Variants in GNAZ observed in about 807,000 individuals in gnomAD.
The protein encoded by GNAZ is G protein subunit alpha z, also known as guanine nucleotide-binding protein G(z) subunit alpha.
In GNAZ, 3 loss-of-function variants were observed where a neutral mutation model predicts 25.4. The observed-to-expected ratio is 0.12, with a 90% confidence interval of 0.05 to 0.30. The LOEUF is 0.30. Among genes scored for constraint, GNAZ ranks in the 10% least tolerant of loss-of-function variants. The pLI is 1.00. For synonymous variants in GNAZ, 211 were observed against 205.7 expected (o/e 1.03, Z -0.22); for missense variants, 241 against 501.8 (o/e 0.48, Z 4.97).
intron 2 of GNAZ, among the ~76,000 whole-genome samples, chr22:23,098,667 G>C (rs184835388): frequency 1.3e-5 from 2 of 152,274 alleles, no homozygotes; most frequent in African/African-American, 4.8e-5. Context: ...AAACCCAAGC[G>C]AGGCTGGAAA....
chr22:23,102,319 G>C (rs2069326624), intron 2 of GNAZ, among the ~76,000 whole-genome samples: 1 of 152,246 alleles, frequency 6.6e-6, no homozygotes, highest in Admixed American at 6.5e-5. Flanking sequence ...TGAGCAGGGA[G>C]GGGTGGAGAA....
At chr22:23,112,560 G>T (rs146442538) in intron 2 of GNAZ, among the ~76,000 whole-genome samples, 1 of 152,328 alleles carries the variant, frequency 6.6e-6, no homozygotes, top group Non-Finnish European at 1.5e-5. Flanking sequence ...GCAGGAGGCT[G>T]GGCTGAGCTC....
Position 23,095,478 on chromosome 22 carries a change from G to T in GNAZ, c.-218G>T. ...ACTAGGGAGGTGGAGTGTCACTAGT[G>T]GGGAGGGGCGGCCACCGCCCGCTGC... On this transcript the variant is annotated 5_prime_UTR_variant, in exon 2 of 3. Transcript: ENST00000615612. 1.2e-5 allele frequency: 7 copies of T among 572,042 alleles called. No individual in the cohort carries two copies. Among genetic ancestry groups the T allele is most frequent in the Admixed American group, 3.2e-5 (1 of 31,010 alleles). 35.4% of individuals were successfully genotyped at this position (572,042 alleles called of 1,614,324 possible).
chr22:23,094,572 G>A (rs2069071480), intron 1 of GNAZ, among the ~76,000 whole-genome samples: 1 of 152,182 alleles, frequency 6.6e-6, no homozygotes, highest in South Asian at 2.1e-4. Context: ...CTCAGCCCAA[G>A]CCCCCCTCTA....
rs1389856602 is a variant in GNAZ, at chr22:23,112,992, C to T, written c.724-10095C>T. Among the ~76,000 whole-genome samples the T allele has an allele frequency of 2.0e-5, 3 of 152,180 alleles. No individual in the cohort carries two copies. The East Asian group carries it at 5.8e-4, about 29-fold the overall frequency. On this transcript the variant is annotated intron_variant, in intron 2 of 2. Transcript: ENST00000615612. Reference sequence around the variant, plus strand: ...AGGAACATCCAGCTTTCAGGTCTGACGTGGCCCATTTTACCAGAAGAAGGG... The same window carrying T: ...AGGAACATCCAGCTTTCAGGTCTGATGTGGCCCATTTTACCAGAAGAAGGG...
chr22:23,098,120 C>T (rs558237086), intron 2 of GNAZ, among the ~76,000 whole-genome samples: 11 of 152,374 alleles, frequency 7.2e-5, no homozygotes, highest in Middle Eastern at 3.4e-3. Context: ...GCCTGCAGCC[C>T]TCTTGGCTCT....
At chr22:23,096,440 C>A in intron 2 of GNAZ, 22 bp downstream of exon 2, 2 of 1,580,386 alleles carry the variant, frequency 1.3e-6, no homozygotes, top group Non-Finnish European at 1.7e-6. Flanking sequence ...CGGGGGTTTT[C>A]CTCTGCTTGT....
At chr22:23,113,662 G>A (rs942253121) in intron 2 of GNAZ, among the ~76,000 whole-genome samples, 1 of 152,182 alleles carries the variant, frequency 6.6e-6, no homozygotes, top group African/African-American at 2.4e-5. Context: ...AACACCACAG[G>A]CCCCTCCACT....
intron 1 of GNAZ, among the ~76,000 whole-genome samples, chr22:23,073,032 C>T (rs1033782110): frequency 6.6e-6 from 1 of 152,244 alleles, no homozygotes; most frequent in African/African-American, 2.4e-5. Flanking sequence ...TGAATTTAGT[C>T]ATCTTGTGTG....
chr22:23,088,353 A>G (rs1746571692), intron 1 of GNAZ, among the ~76,000 whole-genome samples: 1 of 152,112 alleles, frequency 6.6e-6, no homozygotes, highest in African/African-American at 2.4e-5. Flanking sequence ...TTGTGTGAGG[A>G]AGGGCCTGTG....
At chr22:23,076,228 C>A (rs1044151940) in intron 1 of GNAZ, among the ~76,000 whole-genome samples, 3 of 152,198 alleles carry the variant, frequency 2.0e-5, no homozygotes, top group Non-Finnish European at 4.4e-5. Context: ...CCTTAGCACT[C>A]GCCACAGCGT....
At chr22:23,111,103 G>A (rs1350520448) in intron 2 of GNAZ, among the ~76,000 whole-genome samples, 4 of 152,198 alleles carry the variant, frequency 2.6e-5, no homozygotes, top group Middle Eastern at 3.2e-3. Context: ...CTGTGAGCGT[G>A]AGCAGGAATG....
At chr22:23,083,500 T>C (rs2068733656) in intron 1 of GNAZ, among the ~76,000 whole-genome samples, 1 of 152,152 alleles carries the variant, frequency 6.6e-6, no homozygotes, top group South Asian at 2.1e-4. Flanking sequence ...TGTTCCTCCA[T>C]CTATCCATCC....
rs2068946704 is a variant in GNAZ at position 23,090,675 on chromosome 22, A to T, written c.-449-4572A>T. Among the ~76,000 whole-genome samples, 4 of 151,174 alleles carry T rather than the reference A, an allele frequency of 2.6e-5. No homozygotes were observed. The South Asian group carries it at 8.4e-4, about 32-fold the overall frequency. ...TGATGCCTGCTTGCCTCCCTCCTTC[A>T]CCACCTGTTCATACTCATCTCTTAC... On this transcript the variant is annotated intron_variant, in intron 1 of 2. Coordinates refer to ENST00000615612, the MANE Select transcript of GNAZ (RefSeq NM_002073.4).
chr22:23,109,669 G>A lies in GNAZ; in HGVS notation c.723+13251G>A, dbSNP rs116179849. 5.4e-3 allele frequency among the ~76,000 whole-genome samples: 815 copies of A among 152,318 alleles called. 3 individuals are homozygous for A. The highest frequency in any genetic ancestry group is 0.019 in the African/African-American group (782 of 41,564). On this transcript the variant is annotated intron_variant, in intron 2 of 2. Transcript: ENST00000615612. ...CAGAGCCCTCCGTGCAGGCAGGGCC[G>A]AGCCTGTCTCCCTCAGCATCTCAGA... is the stretch of plus-strand genomic sequence containing the variant.
intron 1 of GNAZ, among the ~76,000 whole-genome samples, chr22:23,082,378 T>C (rs953638184): frequency 3.3e-5 from 2 of 61,498 alleles, no homozygotes; most frequent in East Asian, 1.2e-3. Context: ...CACCTGGCTA[T>C]TTTTTTTTTT....
At chr22:23,083,034 T>C (rs2068723769) in intron 1 of GNAZ, among the ~76,000 whole-genome samples, 1 of 151,862 alleles carries the variant, frequency 6.6e-6, no homozygotes, top group South Asian at 2.1e-4. Context: ...GGCAGGAGGC[T>C]CCAGGGAAGT....
intron 2 of GNAZ, among the ~76,000 whole-genome samples, chr22:23,116,173 T>C (rs547413667): frequency 6.6e-6 from 1 of 152,348 alleles, no homozygotes; most frequent in South Asian, 2.1e-4. Context: ...GTCTCCTCAC[T>C]GAGGGGCACA....
chr22:23,074,997 T>C (rs575276361), intron 1 of GNAZ, among the ~76,000 whole-genome samples: 2 of 152,268 alleles, frequency 1.3e-5, no homozygotes, highest in Non-Finnish European at 2.9e-5. Flanking sequence ...TAAGAGCCTG[T>C]CTCTACAAAA....
Sources: allele counts gnomAD v4.1 joint callset (sites outside exome capture counted in the v4.1 genomes callset), GRCh38; gene constraint gnomAD v4.1.1; transcripts MANE v1.5; gene names NCBI Gene and HGNC (gene_info 2026-07-23, HGNC 2026-07-21).